C3orf22: variants seen among roughly 807,000 people sequenced by gnomAD.
The protein encoded by C3orf22 is uncharacterized protein C3orf22.
C3orf22 carries 7 observed loss-of-function variants against 10.8 expected under a neutral mutation model. That is an observed-to-expected ratio of 0.65 (90% CI 0.37 to 1.22). C3orf22 has a LOEUF of 1.22. C3orf22 is among the 50% of genes most tolerant of loss of function. C3orf22 has a pLI of 0.02. For synonymous variants in C3orf22, 79 were observed against 78.9 expected, an observed-to-expected ratio of 1.00 and a Z score of 0.00; for missense variants, 173 against 177.0, an observed-to-expected ratio of 0.98 and a Z score of 0.13.
chr3:126,531,921 C>T (rs1936668104), intron 4 of C3orf22, among the ~76,000 whole-genome samples: 1 of 152,176 alleles, frequency 6.6e-6, no homozygotes, highest in Admixed American at 6.6e-5. Context: ...TACATCCCCA[C>T]CAGCAATATA....
At chr3:126,557,808 A>G (rs549775808) in intron 1 of C3orf22, among the ~76,000 whole-genome samples, 1 of 152,330 alleles carries the variant, frequency 6.6e-6, no homozygotes, top group East Asian at 1.9e-4. Flanking sequence ...CCTGAAGGGC[A>G]GGCTTCCCCA....
rs1273936652 is a variant in C3orf22 at position 126,539,537 on chromosome 3, CCACACACACCG to C, written c.286+9989_286+9999del. 8.9e-4 allele frequency among the ~76,000 whole-genome samples: 129 copies of C among 144,256 alleles called. 2 individuals are homozygous for C. Among genetic ancestry groups the C allele is most frequent in the Middle Eastern group, 7.5e-3 (2 of 268 alleles). The allele number at this position is 144,256 out of a possible 152,430, so 94.6% of individuals were successfully genotyped here. A position where few individuals can be genotyped will look rare whatever the true frequency, so the allele number is the denominator to read the frequency against. On this transcript the variant is annotated intron_variant and NMD_transcript_variant, in intron 4 of 5. Coordinates refer to the C3orf22 transcript ENST00000505070. ...CCACACACCCCACACCATGCACACA[CCACACACACCG>C]CACACACACTGCACACACACACACA...
intron 4 of C3orf22, among the ~76,000 whole-genome samples, chr3:126,530,013 TGGGGGTGGA>T (rs934368809): frequency 9.2e-5 from 14 of 152,126 alleles, no homozygotes; most frequent in African/African-American, 3.4e-4. Context: ...TTTGGGATGA[TGGGGGTGGA>T]GGGGGTGGAT....
downstream of C3orf22, chr3:126,549,439 T>A (rs1937129819): frequency 2.3e-6 from 1 of 426,558 alleles, no homozygotes; most frequent in Non-Finnish European, 4.7e-6. Flanking sequence ...AGTAGTTGTA[T>A]AATTTAGCAG....
rs111893151 is a variant in C3orf22 at position 126,536,050 on chromosome 3, T to C, written c.287-6678A>G. Among the ~76,000 whole-genome samples, 8 of 152,248 alleles carry C rather than the reference T, an allele frequency of 5.3e-5. 1 individual carries two copies. The highest frequency in any genetic ancestry group is 1.9e-4 in the African/African-American group (8 of 41,554). On this transcript the variant is annotated intron_variant and NMD_transcript_variant, in intron 4 of 5. Transcript: ENST00000505070. ...CCCTCCAACTTTGGAGGGTAGGACA[T>C]GGGAGCAGGAATGACACAAGATACT...
At chr3:126,541,360 C>T (rs893461378) in intron 4 of C3orf22, among the ~76,000 whole-genome samples, 1 of 152,294 alleles carries the variant, frequency 6.6e-6, no homozygotes, top group East Asian at 1.9e-4. Context: ...AATTAAACAG[C>T]GCTGCTTCTT....
intron 4 of C3orf22, among the ~76,000 whole-genome samples, chr3:126,537,288 C>T (rs751509884): frequency 2.6e-4 from 39 of 152,074 alleles, no homozygotes; most frequent in Admixed American, 5.2e-4. Context: ...AAAGGCCTGG[C>T]GGGGAGTGGA....
At chr3:126,557,927 G>A (rs1002306837) in intron 1 of C3orf22, among the ~76,000 whole-genome samples, 4 of 152,228 alleles carry the variant, frequency 2.6e-5, no homozygotes, top group Admixed American at 6.5e-5. Flanking sequence ...TGAGGACTCT[G>A]GGATGCCTTC....
At chr3:126,532,930 A>C (rs2107565139) in intron 4 of C3orf22, among the ~76,000 whole-genome samples, 1 of 152,278 alleles carries the variant, frequency 6.6e-6, no homozygotes, top group East Asian at 1.9e-4. Context: ...TTGGGTCTTT[A>C]ATTTCTTTCA....
intron 1 of C3orf22, among the ~76,000 whole-genome samples, chr3:126,555,791 C>T (rs1199195083): frequency 6.6e-6 from 1 of 152,324 alleles, no homozygotes; most frequent in Admixed American, 6.5e-5. Flanking sequence ...CACCCCCTAC[C>T]TTCCTGCTCC....
At chr3:126,551,256 G>A (rs1018611457) in intron 3 of C3orf22, among the ~76,000 whole-genome samples, 2 of 98,534 alleles carry the variant, frequency 2.0e-5, no homozygotes, top group South Asian at 5.0e-4. Context: ...ACCCCCCCCT[G>A]CCCCTGACAT....
chr3:126,549,805 T>C lies in C3orf22; in HGVS notation c.*63A>G. On this transcript the variant is annotated 3_prime_UTR_variant, in exon 4 of 4. Transcript: ENST00000318225. ...ATCCCTTTACTAAAGTCTCTGTGGC[T>C]ACTGCCCAGAGCCTGCCAAGGAGAA... 1 of 1,551,530 alleles carries C rather than the reference T, an allele frequency of 6.4e-7. No homozygotes were observed. The highest frequency in any genetic ancestry group is 8.7e-7 in the Non-Finnish European group (1 of 1,150,080).
At chr3:126,555,300 C>T (rs550837708) in intron 1 of C3orf22, among the ~76,000 whole-genome samples, 3 of 152,310 alleles carry the variant, frequency 2.0e-5, no homozygotes, top group East Asian at 1.9e-4. Context: ...GCCGAAGCCC[C>T]GTGTTTATGA....
chr3:126,546,938 G>A (rs1387986888), downstream of C3orf22, among the ~76,000 whole-genome samples: 1 of 152,232 alleles, frequency 6.6e-6, no homozygotes, highest in Non-Finnish European at 1.5e-5. Flanking sequence ...ATAAATCCAT[G>A]ATGACATGCT....
downstream of C3orf22, among the ~76,000 whole-genome samples, chr3:126,549,009 G>T (rs960031668): frequency 4.6e-5 from 7 of 152,160 alleles, no homozygotes; most frequent in African/African-American, 1.4e-4. Flanking sequence ...AACACAGTGG[G>T]GGGACCCTTA....
intron 4 of C3orf22, chr3:126,541,807 ACG>A: frequency 6.4e-7 from 1 of 1,554,764 alleles, no homozygotes; most frequent in Non-Finnish European, 8.7e-7. Context: ...GCCGCCACTC[ACG>A]CCGGCAGCGC....
chr3:126,557,681 C>T (rs941602145), intron 1 of C3orf22, among the ~76,000 whole-genome samples: 13 of 152,342 alleles, frequency 8.5e-5, no homozygotes, highest in Admixed American at 2.6e-4. Context: ...CCACCGCCTC[C>T]GTGCCCCATC....
At chr3:126,556,814 CACAG>C (rs1350451207) in intron 1 of C3orf22, among the ~76,000 whole-genome samples, 6 of 131,738 alleles carry the variant, frequency 4.6e-5, no homozygotes, top group African/African-American at 1.8e-4. Flanking sequence ...CACCCACACA[CACAG>C]ACTCACATAC....
At chr3:126,558,345 CG>C (rs1937402776) in intron 1 of C3orf22, among the ~76,000 whole-genome samples, 1 of 152,122 alleles carries the variant, frequency 6.6e-6, no homozygotes, top group African/African-American at 2.4e-5. Context: ...AGTCCTGAAC[CG>C]GGGAAGCAGC....
Sources: gnomAD v4.1 joint callset for allele counts (sites outside exome capture counted in the v4.1 genomes callset) on GRCh38, gnomAD v4.1.1 for gene constraint, MANE v1.5 for transcripts, NCBI Gene and HGNC (gene_info 2026-07-23, HGNC 2026-07-21) for gene names.